The following SLC7A14 variants were observed in gnomAD, a reference collection of about 807,000 sequenced individuals.
SLC7A14 encodes gamma-aminobutyric acid transporter SLC7A14.
SLC7A14 carries 37 observed loss-of-function variants against 60.2 expected under a neutral mutation model. The ratio of observed to expected loss-of-function variants is 0.61; its 90% CI spans 0.47 to 0.81. The LOEUF is 0.81. Among genes scored for constraint, SLC7A14 ranks in the 30% least tolerant of loss-of-function variants. SLC7A14 has a pLI of 0.00. For missense variants in SLC7A14, 886 were observed against 982.7 expected (o/e 0.90, Z 1.32); for synonymous variants, 399 against 395.8 (o/e 1.01, Z -0.10).
intron 4 of SLC7A14, chr3:170,495,739 A>G: frequency 8.6e-7 from 1 of 1,168,300 alleles, no homozygotes; most frequent in South Asian, 1.2e-5. Context: ...ACCCTCAACA[A>G]CAAGTTTGCC....
intron 7 of SLC7A14, among the ~76,000 whole-genome samples, chr3:170,471,122 A>T (rs3220547): frequency 6.4e-4 from 59 of 92,324 alleles, no homozygotes; most frequent in African/African-American, 3.0e-3. Flanking sequence ...TGTGTGTGTG[A>T]GTGATTATGT....
At chr3:170,490,728 T>A (rs559191374) in intron 4 of SLC7A14, among the ~76,000 whole-genome samples, 12 of 152,352 alleles carry the variant, frequency 7.9e-5, no homozygotes, top group East Asian at 1.9e-4. Context: ...CAGGCCCAGG[T>A]TGATTCTGCC....
At chr3:170,528,602 TCA>T (rs1025810447) in intron 1 of SLC7A14, among the ~76,000 whole-genome samples, 2 of 152,226 alleles carry the variant, frequency 1.3e-5, no homozygotes, top group Non-Finnish European at 2.9e-5. Flanking sequence ...GCTGTTTGGT[TCA>T]CAGGTTTGGG....
Position 170,480,962 on chromosome 3 carries a change from A to C in SLC7A14, c.1320T>G (p.Phe440Leu), listed in dbSNP as rs749357898. 6.2e-7 allele frequency: 1 copy of C among 1,614,096 alleles called. No individual in the cohort carries two copies. The highest frequency in any genetic ancestry group is 8.5e-7 in the Non-Finnish European group (1 of 1,180,014). The change falls in exon 7 of 8, where the codon TTT becomes TTG. Residue 440 changes from phenylalanine (F) to leucine (L), a missense_variant. By Grantham distance (22) the Phe-to-Leu change is conservative. Transcript: ENST00000231706. ...RYQPESDIDG[F>L]VKFLSEEHTK... ...TGTGCTCCTCAGACAAGAACTTGAC[A>C]AAACCATCAATGTCACTCTCAGGTT...
At chr3:170,529,013 A>T (rs1713594687) in intron 1 of SLC7A14, among the ~76,000 whole-genome samples, 1 of 152,250 alleles carries the variant, frequency 6.6e-6, no homozygotes. Flanking sequence ...GCAGCCTGGG[A>T]TGAGAGATAG....
chr3:170,482,490 C>T (rs1030832759), intron 6 of SLC7A14, among the ~76,000 whole-genome samples: 3 of 152,212 alleles, frequency 2.0e-5, no homozygotes, highest in Non-Finnish European at 1.5e-5. Flanking sequence ...TTGGCCTCCA[C>T]GGTTTACTCC....
intron 2 of SLC7A14, among the ~76,000 whole-genome samples, chr3:170,506,171 T>C (rs1712775846): frequency 6.6e-6 from 1 of 152,216 alleles, no homozygotes; most frequent in South Asian, 2.1e-4. Context: ...GATGGAAATT[T>C]TCCCTTAGTG....
Position 170,526,951 on chromosome 3 carries a change from G to C in SLC7A14, c.-15C>G, listed in dbSNP as rs1713528418. 2 of 1,606,962 alleles carry C rather than the reference G, an allele frequency of 1.2e-6. No individual in the cohort carries two copies. The highest frequency in any genetic ancestry group is 1.7e-6 in the Non-Finnish European group (2 of 1,176,632). ...AAGCCACTCATCTTGAGCGATAGGG[G>C]ATGCAGTGAAGGTCAGCTGATGGAA... On this transcript the variant is annotated 5_prime_UTR_variant, in exon 2 of 8. In the 5' UTR this introduces an upstream ATG that the reference lacks. Transcript: ENST00000231706.
At chr3:170,494,379 A>G (rs769730235) in intron 4 of SLC7A14, among the ~76,000 whole-genome samples, 1 of 152,238 alleles carries the variant, frequency 6.6e-6, no homozygotes, top group African/African-American at 2.4e-5. Flanking sequence ...GTGAGAACCC[A>G]GGATGTATAA....
At chr3:170,531,322 G>A (rs750025991) in intron 1 of SLC7A14, among the ~76,000 whole-genome samples, 1 of 152,060 alleles carries the variant, frequency 6.6e-6, no homozygotes, top group Non-Finnish European at 1.5e-5. Context: ...GGCACTGTCT[G>A]GAGATATCTC....
chr3:170,543,436 G>C (rs1207014929), intron 1 of SLC7A14, among the ~76,000 whole-genome samples: 1 of 152,038 alleles, frequency 6.6e-6, no homozygotes, highest in African/African-American at 2.4e-5. Flanking sequence ...GGTCACCTGA[G>C]GTTGGGAGTT....
intron 2 of SLC7A14, among the ~76,000 whole-genome samples, chr3:170,515,330 ATAT>A (rs1384899839): frequency 1.5e-3 from 143 of 94,084 alleles, no homozygotes; most frequent in African/African-American, 3.9e-3. Flanking sequence ...CAAAAAAAAA[ATAT>A]ATATATATGT....
chr3:170,489,487 T>C (rs1392599510), intron 4 of SLC7A14, among the ~76,000 whole-genome samples: 1 of 152,224 alleles, frequency 6.6e-6, no homozygotes. Context: ...TACACTGTTT[T>C]TGGGAATGTA....
At position 170,466,101 on chromosome 3, in the gene SLC7A14, G is replaced by C. The variant is rs1272068445; in HGVS notation, c.*954C>G. ...GTGGTTGCCTATCTCAAAAACTTTA[G>C]AATTTATAATTTTAGAAATATGAAA... On this transcript the variant is annotated 3_prime_UTR_variant, in exon 8 of 8. Transcript: ENST00000231706. The C allele has an allele frequency of 8.5e-5, 13 of 152,142 alleles. No individual in the cohort carries two copies. Among genetic ancestry groups the C allele is most frequent in the East Asian group, 1.9e-4 (1 of 5,200 alleles). The allele number at this position is 152,142 out of a possible 1,614,324, so 9.4% of individuals were successfully genotyped here.
At chr3:170,496,134 C>A in intron 4 of SLC7A14, 1 of 970,062 alleles carries the variant, frequency 1.0e-6, no homozygotes, top group Non-Finnish European at 1.7e-6. Flanking sequence ...GATCCAGGAG[C>A]TGCAGTCCCA....
At chr3:170,503,803 C>T (rs1374367029) in intron 2 of SLC7A14, among the ~76,000 whole-genome samples, 1 of 152,208 alleles carries the variant, frequency 6.6e-6, no homozygotes, top group Non-Finnish European at 1.5e-5. Context: ...CCAGAATACA[C>T]TTGCCAAGGG....
At chr3:170,477,685 T>C (rs939911542) in intron 7 of SLC7A14, among the ~76,000 whole-genome samples, 1 of 152,254 alleles carries the variant, frequency 6.6e-6, no homozygotes, top group African/African-American at 2.4e-5. Flanking sequence ...TTCCAAGTAA[T>C]AGTATTTGTG....
At chr3:170,553,751 A>G (rs968892186) in intron 1 of SLC7A14, among the ~76,000 whole-genome samples, 2 of 152,110 alleles carry the variant, frequency 1.3e-5, no homozygotes, top group African/African-American at 2.4e-5. Context: ...TGCAGCTGCT[A>G]TGTTTAAGCG....
chr3:170,536,675 A>G (rs1032765705), intron 1 of SLC7A14, among the ~76,000 whole-genome samples: 2 of 152,202 alleles, frequency 1.3e-5, no homozygotes, highest in Non-Finnish European at 2.9e-5. Flanking sequence ...TATGGGTGAG[A>G]CTTGAGTAAG....
Sources: gnomAD v4.1 joint callset for allele counts (sites outside exome capture counted in the v4.1 genomes callset) on GRCh38, gnomAD v4.1.1 for gene constraint, MANE v1.5 for transcripts, NCBI Gene and HGNC (gene_info 2026-07-23, HGNC 2026-07-21) for gene names.